Variants in SALL1 observed in about 807,000 individuals in gnomAD.
The protein encoded by SALL1 is spalt like transcription factor 1.
A neutral mutation model predicts 73.1 loss-of-function variants in SALL1; 10 were observed. That is an observed-to-expected ratio of 0.14 (90% CI 0.08 to 0.23). The LOEUF is 0.23. Ranked by LOEUF, SALL1 falls within the 10% of genes least tolerant of loss-of-function variation. The probability of loss-of-function intolerance (pLI) is 1.00; values close to 1 mark genes in which losing one functional copy is unlikely to be tolerated. For missense variants in SALL1, 1,520 were observed against 1,697.3 expected, an observed-to-expected ratio of 0.90 and a Z score of 1.84; for synonymous variants, 688 against 689.8, an observed-to-expected ratio of 1.00 and a Z score of 0.04.
chr16:51,141,202 A>G lies in SALL1; in HGVS notation c.1020T>C (p.Asn340=), dbSNP rs754649714. The change falls in exon 2 of 3, where the codon AAT becomes AAC. Residue 340 remains asparagine (N), a synonymous_variant. Coordinates refer to ENST00000251020, the MANE Select transcript of SALL1 (RefSeq NM_002968.3). This position sits in a 1 kb window ranked among gnomAD's most constrained non-coding sequence, Gnocchi z 5.4. ...IIPSNSGSSP[N]MNILAAAVTT... The stretch of plus-strand genomic sequence containing the variant: ...TAACTGCCGCTGCCAATATGTTCAT[A>G]TTGGGAGAAGAGCCGCTGTTGGATG... The G allele has an allele frequency of 8.1e-6, 13 of 1,614,106 alleles. No homozygotes were observed. The highest frequency in any genetic ancestry group is 1.1e-5 in the Non-Finnish European group (13 of 1,180,018).
rs1597229367 is a variant in SALL1, at chr16:51,140,142, G to A, written c.2080C>T (p.Leu694=). Residue 694 remains leucine, a synonymous_variant, in exon 2 of 3, where the codon CTG becomes TTG. Coordinates refer to ENST00000251020, the MANE Select transcript of SALL1 (RefSeq NM_002968.3). This position sits in a 1 kb window ranked among gnomAD's most constrained non-coding sequence, Gnocchi z 5.7. The stretch of plus-strand genomic sequence containing the variant: ...GCCTTCTTGTCAATGTTTTCTACCA[G>A]TTGCTGAAGCTTGGACGTCTCTGAT... The part of the protein sequence containing the change: ...QASETSKLQQ[L]VENIDKKATD... The A allele has an allele frequency of 6.2e-7, 1 of 1,614,174 alleles. No individual in the cohort carries two copies. The highest frequency in any genetic ancestry group is 8.5e-7 in the Non-Finnish European group (1 of 1,180,044).
At chr16:51,137,693 A>C (rs2143432955) in intron 2 of SALL1, 141 bp from the exon 3 acceptor site, 2 of 653,238 alleles carry the variant, frequency 3.1e-6, no homozygotes, top group Non-Finnish European at 2.6e-6. Context: ...GTCTATTCTC[A>C]TCATGTGACA....
chr16:51,142,292 A>G, intron 1 of SALL1, 147 bp from the exon 2 acceptor site: 1 of 676,490 alleles, frequency 1.5e-6, no homozygotes, highest in Admixed American at 2.5e-5. Context: ...TTACCTAAGA[A>G]CATCCATAAT....
At chr16:51,148,722 C>T (rs1328649771) in intron 1 of SALL1, among the ~76,000 whole-genome samples, 1 of 152,202 alleles carries the variant, frequency 6.6e-6, no homozygotes, top group East Asian at 1.9e-4. Context: ...GTTAGGCCCT[C>T]CTGTATGTCC....
chr16:51,151,912 A>G (rs1457252661), upstream of SALL1, among the ~76,000 whole-genome samples: 1 of 146,552 alleles, frequency 6.8e-6, no homozygotes, highest in African/African-American at 2.5e-5. Context: ...CCGCGGGGGG[A>G]GGGAGTCCCG....
chr16:51,140,110 G>A lies in SALL1; in HGVS notation c.2112C>T (p.Asp704=). Residue 704 remains aspartate, a synonymous_variant, in exon 2 of 3, where the codon GAC becomes GAT. Coordinates refer to ENST00000251020, the MANE Select transcript of SALL1 (RefSeq NM_002968.3). This position sits in a 1 kb window ranked among gnomAD's most constrained non-coding sequence, Gnocchi z 5.7. ...LVENIDKKAT[D]PNECIICHRV... Reference sequence around the variant, plus strand: ...GGTGGCAGATGATGCACTCATTGGGGTCAGTGGCCTTCTTGTCAATGTTTT... The same window carrying A: ...GGTGGCAGATGATGCACTCATTGGGATCAGTGGCCTTCTTGTCAATGTTTT... 3 of 1,614,216 alleles carry A rather than the reference G, an allele frequency of 1.9e-6. No individual in the cohort carries two copies. Among genetic ancestry groups the A allele is most frequent in the Non-Finnish European group, 2.5e-6 (3 of 1,180,046 alleles).
Position 51,140,172 on chromosome 16 carries a change from G to C in SALL1, c.2050C>G (p.Gln684Glu). The C allele has an allele frequency of 6.2e-7, 1 of 1,614,170 alleles. No homozygotes were observed. Residue 684 changes from glutamine to glutamate, a missense_variant, in exon 2 of 3, where the codon CAG becomes GAG. By Grantham distance (29) the Gln-to-Glu change is conservative. Coordinates refer to ENST00000251020, the MANE Select transcript of SALL1 (RefSeq NM_002968.3). This position sits in a 1 kb window ranked among gnomAD's most constrained non-coding sequence, Gnocchi z 5.7. The stretch of plus-strand genomic sequence containing the variant: ...TGAAGCTTGGACGTCTCTGATGCCT[G>C]AGCTGAGTCCAGGAGTCCCCCAAAA... ...FPFGGLLDSA[Q>E]ASETSKLQQL...
chr16:51,140,577 G>T lies in SALL1; in HGVS notation c.1645C>A (p.Pro549Thr). 1 of 1,614,102 alleles carries T rather than the reference G, an allele frequency of 6.2e-7. No homozygotes were observed. Among genetic ancestry groups the T allele is most frequent in the Non-Finnish European group, 8.5e-7 (1 of 1,179,986 alleles). The change falls in exon 2 of 3, where the codon CCT becomes ACT. Residue 549 changes from proline to threonine, a missense_variant. By Grantham distance (38) the Pro-to-Thr change is conservative (BLOSUM62 -1). This residue lies in a region of SALL1 where 276 missense variants were observed against 259.1 expected (regional missense o/e 1.07). Transcript: ENST00000251020. The surrounding 1 kb of genome is among the most constrained non-coding windows in gnomAD (Gnocchi z 5.7). ...AGGCCGACTGAAGTGGTCAGAGTAG[G>T]CAGGACTGGTTTGGTGTCTAGCCAG... is the stretch of plus-strand genomic sequence containing the variant. ...TSWLDTKPVL[P>T]TLTTSVGLPL...
At chr16:51,144,855 C>A (rs1287595437) in intron 1 of SALL1, among the ~76,000 whole-genome samples, 2 of 152,114 alleles carry the variant, frequency 1.3e-5, no homozygotes, top group East Asian at 3.9e-4. Flanking sequence ...TTTTAAGAGA[C>A]TGTGTTAAAA....
At chr16:51,142,181 G>C in intron 1 of SALL1, 36 bp from the exon 2 acceptor site, 1 of 1,510,882 alleles carries the variant, frequency 6.6e-7, no homozygotes, top group South Asian at 1.1e-5. Flanking sequence ...TTAGAAAAGG[G>C]GCCAGGACAC....
At position 51,150,357 on chromosome 16, in the gene SALL1, G is replaced by A. The variant is rs1962578594; in HGVS notation, c.76+809C>T. 5 of 968,910 alleles carry A rather than the reference G, an allele frequency of 5.2e-6. No homozygotes were observed. The South Asian group carries it at 1.9e-4, about 37-fold the overall frequency. The allele number at this position is 968,910 out of a possible 1,614,324, so 60.0% of individuals were successfully genotyped here. Reference sequence around the variant, plus strand: ...CCCCCCTGGAAGTAGGGAGCACCACGATCCGCAGAGGGCGCATACCGACCA... The same window carrying A: ...CCCCCCTGGAAGTAGGGAGCACCACAATCCGCAGAGGGCGCATACCGACCA... On this transcript the variant is annotated intron_variant, in intron 1 of 2. Coordinates refer to ENST00000251020, the MANE Select transcript of SALL1 (RefSeq NM_002968.3).
chr16:51,138,033 A>C (rs1247726596), intron 2 of SALL1, among the ~76,000 whole-genome samples: 1 of 152,238 alleles, frequency 6.6e-6, no homozygotes, highest in East Asian at 1.9e-4. Flanking sequence ...AAAAGCCAGA[A>C]AGTAATTATT....
rs143501736 is a variant in SALL1 at position 51,141,958 on chromosome 16, G to T, written c.264C>A (p.Ser88Arg). The T allele has an allele frequency of 5.0e-6, 8 of 1,613,840 alleles. No homozygotes were observed. Among genetic ancestry groups the T allele is most frequent in the Non-Finnish European group, 6.8e-6 (8 of 1,179,958 alleles). ...GTTCATCAGGATTATCAGGAGGGGG[G>T]CTGGGGGAGAAGGTTTCGGGTGGGG... is the stretch of plus-strand genomic sequence containing the variant. ...PASPPETFSP[S>R]PPPDNPDEQM... Residue 88 changes from serine to arginine, a missense_variant, in exon 2 of 3, where the codon AGC becomes AGA. By Grantham distance (110) the Ser-to-Arg change is moderately radical. Around this residue, in one of 7 missense-constraint regions of SALL1, gnomAD observed 540 missense variants for 567.5 expected, o/e 0.95. Transcript: ENST00000251020. This position sits in a 1 kb window ranked among gnomAD's most constrained non-coding sequence, Gnocchi z 5.4.
rs778387579 is a variant in SALL1 at position 51,140,159 on chromosome 16, G to A, written c.2063C>T (p.Thr688Met). ...TTCTACCAGTTGCTGAAGCTTGGACGTCTCTGATGCCTGAGCTGAGTCCAG... is the reference window on the plus strand; with the variant it reads ...TTCTACCAGTTGCTGAAGCTTGGACATCTCTGATGCCTGAGCTGAGTCCAG... ...GLLDSAQASE[T>M]SKLQQLVENI... Residue 688 changes from threonine (T) to methionine (M), a missense_variant, in exon 2 of 3, where the codon ACG becomes ATG. Physicochemically the swap from Thr to Met is moderately conservative, Grantham distance 81 (BLOSUM62 -1). Coordinates refer to ENST00000251020, the MANE Select transcript of SALL1 (RefSeq NM_002968.3). This position sits in a 1 kb window ranked among gnomAD's most constrained non-coding sequence, Gnocchi z 5.7. 8 of 1,614,018 alleles carry A rather than the reference G, an allele frequency of 5.0e-6. No homozygotes were observed. Among genetic ancestry groups the A allele is most frequent in the South Asian group, 1.1e-5 (1 of 91,080 alleles).
In SALL1 at chr16:51,136,880, C is replaced by A; in HGVS notation, c.*232G>T. 1 of 551,314 alleles carries A rather than the reference C, an allele frequency of 1.8e-6. No homozygotes were observed. The highest frequency in any genetic ancestry group is 1.9e-5 in the African/African-American group (1 of 53,146). The allele number at this position is 551,314 out of a possible 1,614,324, so 34.2% of individuals were successfully genotyped here. A position where few individuals can be genotyped will look rare whatever the true frequency, so the allele number is the denominator to read the frequency against. Reference sequence around the variant, plus strand: ...GTATTTAGTCCAAAATACAGAAGACCAAAGTTAACGCTTGCATTCTGTTTG... The same window carrying A: ...GTATTTAGTCCAAAATACAGAAGACAAAAGTTAACGCTTGCATTCTGTTTG... On this transcript the variant is annotated 3_prime_UTR_variant, in exon 3 of 3. Coordinates refer to ENST00000251020, the MANE Select transcript of SALL1 (RefSeq NM_002968.3).
Position 51,137,344 on chromosome 16 carries a change from T to A in SALL1, c.3743A>T (p.Lys1248Met). ...AAALSNGLAM[K>M]ANEISVIQNG... is the part of the protein sequence containing the mutation. ...CTGAATGACGGAGATCTCGTTGGCC[T>A]TCATCGCCAGCCCGTTGGAGAGCGC... The change falls in exon 3 of 3, where the codon AAG (lysine) becomes ATG (methionine). Residue 1248 changes from lysine to methionine, a missense_variant. Coordinates refer to ENST00000251020, the MANE Select transcript of SALL1 (RefSeq NM_002968.3). 1 of 1,614,090 alleles carries A rather than the reference T, an allele frequency of 6.2e-7. No individual in the cohort carries two copies. The highest frequency in any genetic ancestry group is 8.5e-7 in the Non-Finnish European group (1 of 1,180,016).
chr16:51,142,630 G>C (rs1962461519), intron 1 of SALL1, among the ~76,000 whole-genome samples: 1 of 152,062 alleles, frequency 6.6e-6, no homozygotes, highest in Non-Finnish European at 1.5e-5. Context: ...TGTTGACAAG[G>C]GGGAAAAAAA....
At chr16:51,150,575 C>T (rs1324906205) in intron 1 of SALL1, 11 of 985,890 alleles carry the variant, frequency 1.1e-5, no homozygotes, top group African/African-American at 1.7e-5. Flanking sequence ...TCCCCATCTT[C>T]TTGCAGCTCT....
At chr16:51,137,948 C>T (rs908575607) in intron 2 of SALL1, among the ~76,000 whole-genome samples, 2 of 152,218 alleles carry the variant, frequency 1.3e-5, no homozygotes, top group Non-Finnish European at 2.9e-5. Context: ...CACCCTTTAC[C>T]CTATAAATGT....
Sources: allele counts gnomAD v4.1 joint callset (sites outside exome capture counted in the v4.1 genomes callset), GRCh38; gene constraint gnomAD v4.1.1; regional missense constraint gnomAD v4.1.1; non-coding constraint Gnocchi (gnomAD v3.1); transcripts MANE v1.5; gene names NCBI Gene and HGNC (gene_info 2026-07-23, HGNC 2026-07-21).